Variants in PEPD observed in about 807,000 individuals in gnomAD.
PEPD encodes the protein peptidase D.
In PEPD, 53 loss-of-function variants were observed where a neutral mutation model predicts 60.7. The ratio of observed to expected loss-of-function variants is 0.87; its 90% CI spans 0.70 to 1.10. PEPD has a LOEUF of 1.10. Ranked by LOEUF, PEPD falls within the 50% of genes least tolerant of loss-of-function variation. PEPD has a pLI of 0.00. For synonymous variants in PEPD, 267 were observed against 284.1 expected, an observed-to-expected ratio of 0.94 and a Z score of 0.60; for missense variants, 711 against 711.9, an observed-to-expected ratio of 1.00 and a Z score of 0.01.
At position 33,464,020 on chromosome 19, in the gene PEPD, A is replaced by G. The variant is rs1004445821; in HGVS notation, c.591T>C (p.Tyr197=). The change falls in exon 8 of 15, where the codon TAT becomes TAC. Residue 197 remains tyrosine, a synonymous_variant. Coordinates refer to ENST00000244137, the MANE Select transcript of PEPD (RefSeq NM_000285.4). ...KTDMELEVLR[Y]TNKISSEAHR... Reference sequence around the variant, plus strand: ...GGGCCTCGCTGGAGATTTTATTGGTATAGCGCAGAACCTCCAGCTCCATAT... The same window carrying G: ...GGGCCTCGCTGGAGATTTTATTGGTGTAGCGCAGAACCTCCAGCTCCATAT... 6.8e-6 allele frequency: 11 copies of G among 1,613,238 alleles called. No homozygotes were observed. The highest frequency in any genetic ancestry group is 9.3e-6 in the Non-Finnish European group (11 of 1,179,376).
intron 9 of PEPD, among the ~76,000 whole-genome samples, chr19:33,413,978 T>C (rs1256414596): frequency 2.0e-5 from 3 of 152,170 alleles, no homozygotes; most frequent in Admixed American, 1.3e-4. Context: ...GCCTGCGCCC[T>C]GTGGGAAGCC....
intron 12 of PEPD, among the ~76,000 whole-genome samples, chr19:33,393,226 C>T (rs1182120989): frequency 3.2e-5 from 3 of 93,284 alleles, no homozygotes; most frequent in Admixed American, 1.9e-4. Flanking sequence ...TCGGGGAGGC[C>T]GTCCCGGGGT....
At chr19:33,422,919 C>T (rs1213577350) in intron 9 of PEPD, among the ~76,000 whole-genome samples, 1 of 151,516 alleles carries the variant, frequency 6.6e-6, no homozygotes, top group Non-Finnish European at 1.5e-5. Flanking sequence ...CTGTATCTAC[C>T]TACGTATCAT....
Position 33,455,580 on chromosome 19 carries a change from G to A in PEPD, c.671+7415C>T, listed in dbSNP as rs145727696. On this transcript the variant is annotated intron_variant, in intron 9 of 14. Transcript: ENST00000244137. ...TGCAGTGGTGTGATCATAGCTAACT[G>A]CCGCCTTGGCTTCCTGGGCTCAAGC... is the stretch of plus-strand genomic sequence containing the variant. 5.2e-3 allele frequency among the ~76,000 whole-genome samples: 785 copies of A among 151,424 alleles called. 6 individuals carry two copies. The highest frequency in any genetic ancestry group is 6.4e-3 in the Non-Finnish European group (436 of 67,916).
chr19:33,422,917 A>T (rs1486290160), intron 9 of PEPD, among the ~76,000 whole-genome samples: 1 of 151,230 alleles, frequency 6.6e-6, no homozygotes, highest in Non-Finnish European at 1.5e-5. Context: ...TTCTGTATCT[A>T]CCTACGTATC....
intron 1 of PEPD, among the ~76,000 whole-genome samples, chr19:33,516,800 G>T (rs2145362605): frequency 6.6e-6 from 1 of 152,208 alleles, no homozygotes; most frequent in Non-Finnish European, 1.5e-5. Context: ...ACTACTCAGT[G>T]TCAGCAATGC....
rs1180476320 is a variant in PEPD, at chr19:33,387,908, G to A, written c.1326C>T (p.Arg442=). ...CACTCACCCCGCCAAAACCGCGAAA[G>A]CGCTGCAGGACCTCGCGGTTAAGGA... is the stretch of plus-strand genomic sequence containing the variant. ...ASFLNREVLQ[R]FRGFGGVRIE... Residue 442 remains arginine (R), a synonymous_variant, in exon 14 of 15, where the codon CGC becomes CGT. Coordinates refer to ENST00000244137, the MANE Select transcript of PEPD (RefSeq NM_000285.4). 2 of 1,579,572 alleles carry A rather than the reference G, an allele frequency of 1.3e-6. No individual in the cohort carries two copies. The highest frequency in any genetic ancestry group is 2.3e-5 in the East Asian group (1 of 43,460).
chr19:33,509,606 G>C lies in PEPD; in HGVS notation c.329+1422C>G, dbSNP rs543361088. 2.0e-5 allele frequency among the ~76,000 whole-genome samples: 3 copies of C among 152,190 alleles called. No homozygotes were observed. The South Asian group carries it at 6.2e-4, about 32-fold the overall frequency. ...AGAGCCCAGTCCCTGTGGCAGCCAG[G>C]GGCCTTGTCACTCAAACCAGCCACA... On this transcript the variant is annotated intron_variant, in intron 3 of 14. Coordinates refer to ENST00000244137, the MANE Select transcript of PEPD (RefSeq NM_000285.4).
intron 9 of PEPD, among the ~76,000 whole-genome samples, chr19:33,417,425 G>C (rs1044768093): frequency 6.6e-6 from 1 of 152,194 alleles, no homozygotes; most frequent in Admixed American, 6.5e-5. Flanking sequence ...TCCGCACCCC[G>C]GTCCCTGTGC....
intron 10 of PEPD, 124 bp from the exon 11 acceptor site, chr19:33,411,873 C>T (rs535031199): frequency 6.0e-5 from 43 of 716,044 alleles, no homozygotes; most frequent in Non-Finnish European, 9.2e-5. Flanking sequence ...CAGGCCCAGG[C>T]GTGGCTGGAC....
In PEPD at chr19:33,391,334, G is replaced by C. The variant is rs767622921; in HGVS notation, c.1113C>G (p.Phe371Leu). The change falls in exon 13 of 15, where the codon TTC becomes TTG. Residue 371 changes from phenylalanine to leucine, a missense_variant. By Grantham distance (22) the Phe-to-Leu change is conservative. Transcript: ENST00000244137. ...CCACGTCGTGCACGTCAATGCCCAG[G>C]AAGTGGCCAAGCCCGTGAGGCATAA... ...AVFMPHGLGH[F>L]LGIDVHDVGG... The C allele has an allele frequency of 1.2e-6, 2 of 1,612,092 alleles. No individual in the cohort carries two copies. The highest frequency in any genetic ancestry group is 1.7e-6 in the Non-Finnish European group (2 of 1,179,612).
chr19:33,432,841 C>A (rs756562495), intron 9 of PEPD, among the ~76,000 whole-genome samples: 2 of 152,240 alleles, frequency 1.3e-5, no homozygotes, highest in Non-Finnish European at 2.9e-5. Context: ...TTTGGCGCTT[C>A]CGGGCTCCCA....
At position 33,425,234 on chromosome 19, in the gene PEPD, G is replaced by C. The variant is rs555365289; in HGVS notation, c.672-11591C>G. On this transcript the variant is annotated intron_variant, in intron 9 of 14. Transcript: ENST00000244137. ...AAAATATAAAAATTAGCCAGTCGTG[G>C]TGGCACACATCTGTAATGCGCCACT... Among the ~76,000 whole-genome samples the C allele has an allele frequency of 7.9e-5, 12 of 152,254 alleles. No homozygotes were observed. The East Asian group carries it at 2.3e-3, about 29-fold the overall frequency.
chr19:33,517,203 C>A (rs573890772), intron 1 of PEPD, among the ~76,000 whole-genome samples: 69 of 151,868 alleles, frequency 4.5e-4, no homozygotes, highest in African/African-American at 1.7e-3. Context: ...CATTTTGATA[C>A]CTGTATTTCC....
Position 33,387,249 on chromosome 19 carries a change from GTC to G in PEPD, c.*93_*94del, listed in dbSNP as rs1206210466. The G allele has an allele frequency of 4.2e-6, 6 of 1,440,990 alleles. No homozygotes were observed. Among genetic ancestry groups the G allele is most frequent in the Non-Finnish European group, 2.9e-6 (3 of 1,036,192 alleles). The allele number at this position is 1,440,990 out of a possible 1,614,324, so 89.3% of individuals were successfully genotyped here. The stretch of plus-strand genomic sequence containing the variant: ...AAGCTGGGATCTGATTCTGGGTGCC[GTC>G]TCTCGCTACTGGAGTGCTGACCAGC... On this transcript the variant is annotated 3_prime_UTR_variant, in exon 15 of 15. Transcript: ENST00000244137.
chr19:33,413,545 C>A (rs1299779355), intron 10 of PEPD, 30 bp downstream of exon 10: 7 of 1,389,848 alleles, frequency 5.0e-6, no homozygotes, highest in South Asian at 1.2e-5. Flanking sequence ...CCACTGGTCA[C>A]CCCCAGGGGA....
At chr19:33,450,637 A>T (rs1459668888) in intron 9 of PEPD, among the ~76,000 whole-genome samples, 3 of 152,264 alleles carry the variant, frequency 2.0e-5, no homozygotes, top group African/African-American at 7.2e-5. Context: ...TCCACATTGG[A>T]TTGAGTGAGA....
chr19:33,453,870 T>A (rs116420716), intron 9 of PEPD, among the ~76,000 whole-genome samples: 65 of 152,268 alleles, frequency 4.3e-4, no homozygotes, highest in South Asian at 2.1e-3. Flanking sequence ...AGAACACTAG[T>A]CTCTGGGGAC....
chr19:33,464,472 G>A (rs1322449696), intron 7 of PEPD, among the ~76,000 whole-genome samples: 1 of 152,214 alleles, frequency 6.6e-6, no homozygotes, highest in Non-Finnish European at 1.5e-5. Flanking sequence ...GCCTCCCAGG[G>A]CTCTGTCCTG....
Sources: gnomAD v4.1 joint callset for allele counts (sites outside exome capture counted in the v4.1 genomes callset) on GRCh38, gnomAD v4.1.1 for gene constraint, MANE v1.5 for transcripts, NCBI Gene and HGNC (gene_info 2026-07-23, HGNC 2026-07-21) for gene names.